TOP1: variants seen among roughly 807,000 people sequenced by gnomAD.
TOP1 encodes the protein DNA topoisomerase 1.
TOP1 carries 10 observed loss-of-function variants against 111.1 expected under a neutral mutation model. That is an observed-to-expected ratio of 0.09 (90% CI 0.06 to 0.15). TOP1 has a LOEUF of 0.15. Ranked by LOEUF, TOP1 falls within the 10% of genes least tolerant of loss-of-function variation. The probability of loss-of-function intolerance (pLI) is 1.00; values close to 1 mark genes in which losing one functional copy is unlikely to be tolerated. For missense variants in TOP1, 474 were observed against 926.7 expected (o/e 0.51, Z 6.34); for synonymous variants, 271 against 302.9 (o/e 0.89, Z 1.10).
chr20:41,070,813 A>G (rs2033660921), intron 3 of TOP1, among the ~76,000 whole-genome samples: 1 of 152,198 alleles, frequency 6.6e-6, no homozygotes, highest in Non-Finnish European at 1.5e-5. Context: ...TTGGGAAGTA[A>G]CAGAGTAGTC....
intron 3 of TOP1, among the ~76,000 whole-genome samples, chr20:41,063,401 G>A (rs78861648): frequency 1.3e-3 from 192 of 152,262 alleles, no homozygotes; most frequent in Non-Finnish European, 2.2e-3. Flanking sequence ...CAGTGAACAT[G>A]TGTGTACATG....
At position 41,115,299 on chromosome 20, in the gene TOP1, T is replaced by TG; in HGVS notation, c.1639-72_1639-71insG. ...GTGCCTTTTTCTTTGCAAGTTTCTT[T>TG]AAGTTTGGGGTTATTTCTAAAGTTA... On this transcript the variant is annotated intron_variant, in intron 15 of 20. Coordinates refer to ENST00000361337, the MANE Select transcript of TOP1 (RefSeq NM_003286.4). This position sits in a 1 kb window ranked among gnomAD's most constrained non-coding sequence, Gnocchi z 6.3. The TG allele has an allele frequency of 9.3e-7, 1 of 1,072,356 alleles. No homozygotes were observed. The highest frequency in any genetic ancestry group is 1.4e-6 in the Non-Finnish European group (1 of 710,012). 66.4% of individuals were successfully genotyped at this position (1,072,356 alleles called of 1,614,324 possible).
Position 41,118,251 on chromosome 20 carries a change from A to G in TOP1, c.1905A>G (p.Ala635=). The G allele has an allele frequency of 1.9e-6, 3 of 1,614,184 alleles. No individual in the cohort carries two copies. Among genetic ancestry groups the G allele is most frequent in the East Asian group, 2.2e-5 (1 of 44,888 alleles). The stretch of plus-strand genomic sequence containing the variant: ...CAATTCTTTGTAACCATCAGAGGGC[A>G]CCACCAAAAACTTTTGAGAAGTCTA... ...AVAILCNHQR[A]PPKTFEKSMM... Residue 635 remains alanine (A), a synonymous_variant, in exon 18 of 21, where the codon GCA becomes GCG. Transcript: ENST00000361337. The surrounding 1 kb of genome is among the most constrained non-coding windows in gnomAD (Gnocchi z 4.6).
Position 41,029,574 on chromosome 20 carries a change from C to A in TOP1, c.58+119C>A, listed in dbSNP as rs769086237. 2.5e-6 allele frequency: 2 copies of A among 806,098 alleles called. No individual in the cohort carries two copies. Among genetic ancestry groups the A allele is most frequent in the African/African-American group, 1.7e-5 (1 of 57,924 alleles). The allele number at this position is 806,098 out of a possible 1,614,324, so 49.9% of individuals were successfully genotyped here. A position where few individuals can be genotyped will look rare whatever the true frequency, so the allele number is the denominator to read the frequency against. On this transcript the variant is annotated intron_variant, in intron 2 of 20. Transcript: ENST00000361337. The surrounding 1 kb of genome is among the most constrained non-coding windows in gnomAD (Gnocchi z 6.1). ...TCCCAGAGACTAAGTCCCGGCTCCT[C>A]GCTCACCGGCCCCATTGTTCCCATC...
chr20:41,073,360 C>T (rs1221649287), intron 3 of TOP1: 14 of 912,296 alleles, frequency 1.5e-5, no homozygotes, highest in African/African-American at 1.9e-5. Flanking sequence ...TTTATAGTTT[C>T]ATGGGAAGAC....
intron 2 of TOP1, among the ~76,000 whole-genome samples, chr20:41,056,050 G>A (rs1234384393): frequency 6.6e-6 from 1 of 152,142 alleles, no homozygotes; most frequent in African/African-American, 2.4e-5. Flanking sequence ...CCAACCTTTT[G>A]CCAGTTGAAT....
chr20:41,084,524 C>T lies in TOP1; in HGVS notation c.570C>T (p.Asn190=), dbSNP rs78595369. ...DKDKKVPEPD[N]KKKKPKKEEE... ...ATAAAAAAGTTCCTGAGCCAGATAA[C>T]AAGAAAAAGAAGCCGAAGAAAGAAG... The change falls in exon 8 of 21, where the codon AAC becomes AAT. Residue 190 remains asparagine, a synonymous_variant. Coordinates refer to ENST00000361337, the MANE Select transcript of TOP1 (RefSeq NM_003286.4). 19 of 1,577,590 alleles carry T rather than the reference C, an allele frequency of 1.2e-5. No homozygotes were observed. In the African/African-American group the frequency reaches 1.9e-4, roughly 16 times the overall value.
rs2033670659 is a variant in TOP1 at position 41,071,677 on chromosome 20, T to C, written c.156-4494T>C. On this transcript the variant is annotated intron_variant, in intron 3 of 20. Coordinates refer to ENST00000361337, the MANE Select transcript of TOP1 (RefSeq NM_003286.4). This position sits in a 1 kb window ranked among gnomAD's most constrained non-coding sequence, Gnocchi z 4.3. ...TTTTTCTTTAGTGGAATTCAGCCAA[T>C]TGAAGCATAACACATGGCATGAACA... Among the ~76,000 whole-genome samples the C allele has an allele frequency of 6.6e-6, 1 of 152,222 alleles. No individual in the cohort carries two copies. Among genetic ancestry groups the C allele is most frequent in the Non-Finnish European group, 1.5e-5 (1 of 68,036 alleles).
intron 3 of TOP1, among the ~76,000 whole-genome samples, chr20:41,074,617 G>A (rs1600573623): frequency 1.3e-5 from 2 of 152,014 alleles, no homozygotes; most frequent in East Asian, 3.9e-4. Context: ...TCAAGTTGTA[G>A]CTACTTTTGT....
intron 3 of TOP1, among the ~76,000 whole-genome samples, chr20:41,068,423 T>C (rs1460657773): frequency 6.6e-6 from 1 of 152,186 alleles, no homozygotes; most frequent in Non-Finnish European, 1.5e-5. Flanking sequence ...TTCTTTTTTT[T>C]TGGAGTCAGG....
In TOP1 at chr20:41,032,294, C is replaced by T. The variant is rs1325748768; in HGVS notation, c.58+2839C>T. ...CTTCGCAATATTTAAAATTGTAGCTCTTTGCATGTAATTTAGAACATTCTG... is the reference window on the plus strand; with the variant it reads ...CTTCGCAATATTTAAAATTGTAGCTTTTTGCATGTAATTTAGAACATTCTG... On this transcript the variant is annotated intron_variant, in intron 2 of 20. Transcript: ENST00000361337. The surrounding 1 kb of genome is among the most constrained non-coding windows in gnomAD (Gnocchi z 4.3). Among the ~76,000 whole-genome samples the T allele has an allele frequency of 2.6e-5, 4 of 151,986 alleles. No individual in the cohort carries two copies. The highest frequency in any genetic ancestry group is 9.7e-5 in the African/African-American group (4 of 41,354).
chr20:41,031,721 A>C (rs995500228), intron 2 of TOP1, among the ~76,000 whole-genome samples: 1 of 152,228 alleles, frequency 6.6e-6, no homozygotes, highest in African/African-American at 2.4e-5. Flanking sequence ...TAGCTTGCCC[A>C]AGGGCTGTGA....
chr20:41,074,823 G>A (rs2033707348), intron 3 of TOP1, among the ~76,000 whole-genome samples: 1 of 152,174 alleles, frequency 6.6e-6, no homozygotes, highest in South Asian at 2.1e-4. Context: ...GGTTAGTGCA[G>A]TAAGCAAGGC....
rs551749293 is a variant in TOP1 at position 41,029,887 on chromosome 20, A to G, written c.58+432A>G. ...CTTTCTGCAGAGCAAAGCCGTATAAATCACATACTTCACCAGAGAGGGAAG... is the reference window on the plus strand; with the variant it reads ...CTTTCTGCAGAGCAAAGCCGTATAAGTCACATACTTCACCAGAGAGGGAAG... On this transcript the variant is annotated intron_variant, in intron 2 of 20. Coordinates refer to ENST00000361337, the MANE Select transcript of TOP1 (RefSeq NM_003286.4). This position sits in a 1 kb window ranked among gnomAD's most constrained non-coding sequence, Gnocchi z 6.1. The G allele has an allele frequency of 1.9e-4, 36 of 186,602 alleles. 1 individual carries two copies. The highest frequency in any genetic ancestry group is 8.5e-4 in the African/African-American group (36 of 42,464). The allele number at this position is 186,602 out of a possible 1,614,324, so 11.6% of individuals were successfully genotyped here.
chr20:41,038,055 A>G (rs1213016042), intron 2 of TOP1, among the ~76,000 whole-genome samples: 1 of 152,220 alleles, frequency 6.6e-6, no homozygotes, highest in Non-Finnish European at 1.5e-5. Flanking sequence ...CATTGCCCTC[A>G]GTATACAAGG....
Position 41,061,476 on chromosome 20 carries a change from C to T in TOP1, c.141C>T (p.Ser47=). ...AGAAGGAGAAGGACCGGGAAAAGTCCAAGCATAGCAACAGGTAAGGGTGGA... is the reference window on the plus strand; with the variant it reads ...AGAAGGAGAAGGACCGGGAAAAGTCTAAGCATAGCAACAGGTAAGGGTGGA... ...EHKKEKDREK[S]KHSNSEHKDS... is the part of the protein sequence containing the mutation. The change falls in exon 3 of 21, where the codon TCC becomes TCT. Residue 47 remains serine (S), a synonymous_variant. Transcript: ENST00000361337. The surrounding 1 kb of genome is among the most constrained non-coding windows in gnomAD (Gnocchi z 4.6). 6.3e-7 allele frequency: 1 copy of T among 1,599,884 alleles called. No homozygotes were observed. Among genetic ancestry groups the T allele is most frequent in the East Asian group, 2.3e-5 (1 of 44,270 alleles).
At chr20:41,048,092 TAAAA>T (rs57371417) in intron 2 of TOP1, among the ~76,000 whole-genome samples, 1 of 125,634 alleles carries the variant, frequency 8.0e-6, no homozygotes, top group African/African-American at 2.9e-5. Context: ...GGCTATAAAT[TAAAA>T]AAAAAAAAAA....
In TOP1 at chr20:41,097,073, C is replaced by T. The variant is rs1348127205; in HGVS notation, c.731-147C>T. 1.3e-6 allele frequency: 1 copy of T among 742,304 alleles called. No individual in the cohort carries two copies. Among genetic ancestry groups the T allele is most frequent in the Non-Finnish European group, 2.2e-6 (1 of 464,616 alleles). The allele number at this position is 742,304 out of a possible 1,614,324, so 46.0% of individuals were successfully genotyped here. ...AAGTAGATATAAATCAGTATGTTGT[C>T]TTTGTTGTTGTTGCTACTATGTGTC... On this transcript the variant is annotated intron_variant, in intron 9 of 20. Coordinates refer to ENST00000361337, the MANE Select transcript of TOP1 (RefSeq NM_003286.4). This position sits in a 1 kb window ranked among gnomAD's most constrained non-coding sequence, Gnocchi z 4.2.
chr20:41,118,150 C>A lies in TOP1; in HGVS notation c.1823-19C>A. The A allele has an allele frequency of 6.2e-7, 1 of 1,611,660 alleles. No homozygotes were observed. The highest frequency in any genetic ancestry group is 8.5e-7 in the Non-Finnish European group (1 of 1,178,258). ...GTGTACAAACTGACCCTCTTGCTAC[C>A]ATGTTCCTTTCTTTACAGCGGATGA... On this transcript the variant is annotated intron_variant, in intron 17 of 20. Transcript: ENST00000361337. The surrounding 1 kb of genome is among the most constrained non-coding windows in gnomAD (Gnocchi z 4.6).
Sources: gnomAD v4.1 joint callset for allele counts (sites outside exome capture counted in the v4.1 genomes callset) on GRCh38, gnomAD v4.1.1 for gene constraint, Gnocchi (gnomAD v3.1) non-coding constraint, MANE v1.5 for transcripts, NCBI Gene and HGNC (gene_info 2026-07-23, HGNC 2026-07-21) for gene names.